Variants in ART3 observed in about 807,000 individuals in gnomAD.
ART3 encodes the protein ADP-ribosyltransferase 3 (inactive), also known as ecto-ADP-ribosyltransferase 3.
A neutral mutation model predicts 48.5 loss-of-function variants in ART3; 49 were observed. The ratio of observed to expected loss-of-function variants is 1.01; its 90% CI spans 0.80 to 1.28. The LOEUF (loss-of-function observed/expected upper bound fraction) is 1.28. ART3 is among the 50% of genes most tolerant of loss of function. The probability of loss-of-function intolerance (pLI) is 0.00; values close to 1 mark genes in which losing one functional copy is unlikely to be tolerated. For synonymous variants in ART3, 145 were observed against 157.2 expected (o/e 0.92, Z 0.58); for missense variants, 438 against 454.3 (o/e 0.96, Z 0.33).
chr4:76,104,414 C>T, intron 9 of ART3, 183 bp from the exon 10 acceptor site: 11 of 985,418 alleles, frequency 1.1e-5, no homozygotes, highest in Non-Finnish European at 1.3e-5. Flanking sequence ...GAAGACTCCT[C>T]TAATCATGGT....
At chr4:76,022,049 G>T in intron 1 of ART3, 1 of 1,111,130 alleles carries the variant, frequency 9.0e-7, no homozygotes, top group Non-Finnish European at 1.4e-6. Flanking sequence ...AGATAACTGA[G>T]CTTTCCTGCT....
At chr4:76,052,942 TGG>T (rs1736276903) in intron 1 of ART3, among the ~76,000 whole-genome samples, 4 of 151,328 alleles carry the variant, frequency 2.6e-5, no homozygotes, top group South Asian at 2.1e-4. Context: ...TTGGCAAGGC[TGG>T]TCTCAAACTC....
chr4:76,031,051 C>T (rs902197944), intron 1 of ART3, among the ~76,000 whole-genome samples: 4 of 152,086 alleles, frequency 2.6e-5, no homozygotes, highest in Non-Finnish European at 5.9e-5. Context: ...TAACTTATTG[C>T]AGAGCCAGCC....
At chr4:76,106,266 C>G in intron 10 of ART3, 2 of 985,330 alleles carry the variant, frequency 2.0e-6, no homozygotes, top group Non-Finnish European at 2.4e-6. Flanking sequence ...TGGTATTTGG[C>G]TTCAAAGCTG....
intron 1 of ART3, chr4:76,034,999 T>C: frequency 6.6e-7 from 1 of 1,524,586 alleles, no homozygotes. Flanking sequence ...TCAAAAGATC[T>C]GTCTTGGATA....
chr4:76,087,170 A>G (rs1007201057), intron 3 of ART3, among the ~76,000 whole-genome samples: 1 of 152,050 alleles, frequency 6.6e-6, no homozygotes, highest in Admixed American at 6.6e-5. Flanking sequence ...GAGCCCACAG[A>G]CTCCATGTTT....
chr4:76,107,959 GT>G (rs2109796661), intron 11 of ART3, among the ~76,000 whole-genome samples, 166 bp downstream of exon 11: 1 of 152,156 alleles, frequency 6.6e-6, no homozygotes, highest in African/African-American at 2.4e-5. Flanking sequence ...GCATGTGTGT[GT>G]TGGGGACAAT....
rs181165437 is a variant in ART3, at chr4:76,012,471, C to T, written c.-10+1151C>T. Among the ~76,000 whole-genome samples the T allele has an allele frequency of 1.3e-3, 197 of 152,310 alleles. 3 individuals are homozygous for T. Among genetic ancestry groups the T allele is most frequent in the African/African-American group, 4.4e-3 (182 of 41,572 alleles). ...TCCCCACGCAGGGAGTCATTCCTTCCTTCCTAAATACAACATGGTGAGTTA... is the reference window on the plus strand; with the variant it reads ...TCCCCACGCAGGGAGTCATTCCTTCTTTCCTAAATACAACATGGTGAGTTA... On this transcript the variant is annotated intron_variant, in intron 1 of 9. Coordinates refer to the ART3 transcript ENST00000341029.
At chr4:76,058,029 G>GT (rs1718856024) in intron 1 of ART3, 1 of 152,136 alleles carries the variant, frequency 6.6e-6, no homozygotes, top group Admixed American at 6.5e-5. Context: ...GATGGCAACT[G>GT]TGTTGGAAAC....
intron 3 of ART3, among the ~76,000 whole-genome samples, chr4:76,089,561 C>A (rs949821996): frequency 3.3e-5 from 5 of 152,142 alleles, no homozygotes; most frequent in African/African-American, 1.2e-4. Context: ...TCCCCTGCCA[C>A]GCTTCCTGTA....
intron 1 of ART3, among the ~76,000 whole-genome samples, chr4:76,060,500 A>G (rs968773316): frequency 2.0e-5 from 3 of 152,182 alleles, no homozygotes; most frequent in Admixed American, 2.0e-4. Flanking sequence ...CTGCAAGCCT[A>G]CACACCTATT....
intron 1 of ART3, among the ~76,000 whole-genome samples, chr4:76,062,469 G>A (rs962360550): frequency 6.6e-6 from 1 of 151,174 alleles, no homozygotes; most frequent in Non-Finnish European, 1.5e-5. Context: ...ATAAATTATC[G>A]TTATTGCTAA....
intron 1 of ART3, among the ~76,000 whole-genome samples, chr4:76,068,446 A>G (rs1375387931): frequency 6.6e-6 from 1 of 152,236 alleles, no homozygotes; most frequent in African/African-American, 2.4e-5. Context: ...CTATGCAGCC[A>G]TAAAAAAGAA....
At chr4:76,034,501 G>A (rs1178144380) in intron 1 of ART3, 9 of 517,084 alleles carry the variant, frequency 1.7e-5, no homozygotes, top group Non-Finnish European at 3.0e-5. Flanking sequence ...TGTAAACTCC[G>A]ATGGTAACCA....
At chr4:76,027,242 A>G (rs1476353563) in intron 1 of ART3, among the ~76,000 whole-genome samples, 2 of 152,234 alleles carry the variant, frequency 1.3e-5, no homozygotes, top group Non-Finnish European at 2.9e-5. Context: ...AACAAGAGCG[A>G]AACTCCGTTT....
intron 1 of ART3, among the ~76,000 whole-genome samples, chr4:76,050,265 A>G (rs914124517): frequency 1.5e-4 from 23 of 152,020 alleles, no homozygotes; most frequent in Admixed American, 1.3e-3. Context: ...ACGTCCTGCT[A>G]ATTGGTAGAG....
chr4:76,070,033 C>T (rs555027144), upstream of ART3, among the ~76,000 whole-genome samples: 38 of 152,116 alleles, frequency 2.5e-4, no homozygotes, highest in African/African-American at 8.7e-4. Flanking sequence ...CTTTTTATTG[C>T]TGAGTGTTAT....
At chr4:76,021,529 A>G (rs1450611585) in intron 1 of ART3, 2 of 176,936 alleles carry the variant, frequency 1.1e-5, no homozygotes, top group Non-Finnish European at 2.4e-5. Context: ...CATTCTTTAA[A>G]AAGCAGATTT....
chr4:76,103,854 A>G (rs1285685191), intron 8 of ART3, 83 bp from the exon 9 acceptor site: 6 of 1,256,888 alleles, frequency 4.8e-6, no homozygotes, highest in Non-Finnish European at 6.5e-6. Context: ...AAAGTTGGAA[A>G]TGGAGGAAAT....
Sources: allele counts gnomAD v4.1 joint callset (sites outside exome capture counted in the v4.1 genomes callset), GRCh38; gene constraint gnomAD v4.1.1; transcripts MANE v1.5; gene names NCBI Gene and HGNC (gene_info 2026-07-23, HGNC 2026-07-21).